Variants in CFI observed in about 807,000 individuals in gnomAD.
The protein encoded by CFI is complement factor I, also known as C3B/C4B inactivator.
Under a neutral mutation model 78.8 loss-of-function variants are expected in CFI, and 66 were observed. The ratio of observed to expected loss-of-function variants is 0.84; its 90% CI spans 0.69 to 1.03. The LOEUF (loss-of-function observed/expected upper bound fraction) is 1.03, where lower values mean the gene tolerates loss of function less well. CFI is among the 50% of genes least tolerant of loss of function. The pLI, the probability that CFI is intolerant of heterozygous loss-of-function variation, is 0.00. For synonymous variants in CFI, 250 were observed against 232.6 expected, an observed-to-expected ratio of 1.07 and a Z score of -0.68; for missense variants, 706 against 704.5, an observed-to-expected ratio of 1.00 and a Z score of -0.02.
the CFI span, among the ~76,000 whole-genome samples, chr4:109,735,346 C>T: frequency 3.9e-5 from 6 of 152,182 alleles, no homozygotes; most frequent in African/African-American, 1.4e-4. Flanking sequence ...CAAATGGTTT[C>T]TTCTATATAT....
chr4:109,749,186 G>T (rs747370555), intron 10 of CFI, 32 bp downstream of exon 10: 1 of 1,565,898 alleles, frequency 6.4e-7, no homozygotes, highest in South Asian at 1.1e-5. Context: ...ATTGTTTCGG[G>T]AAATCTAAAA....
At chr4:109,759,475 T>C (rs960328164) in intron 6 of CFI, among the ~76,000 whole-genome samples, 1 of 152,166 alleles carries the variant, frequency 6.6e-6, no homozygotes, top group Non-Finnish European at 1.5e-5. Context: ...GAATTACTAT[T>C]ATAGTGAATT....
intron 8 of CFI, among the ~76,000 whole-genome samples, chr4:109,750,798 G>C (rs577183933): frequency 3.7e-4 from 56 of 152,282 alleles, no homozygotes; most frequent in Non-Finnish European, 5.9e-4. Flanking sequence ...AGAAAGAGCC[G>C]TTGTTGTATG....
At chr4:109,775,277 G>A (rs1015628106) in intron 1 of CFI, among the ~76,000 whole-genome samples, 1 of 152,132 alleles carries the variant, frequency 6.6e-6, no homozygotes, top group African/African-American at 2.4e-5. Flanking sequence ...GATGGTACCT[G>A]GAAAATTGGG....
At chr4:109,775,052 A>G (rs529503583) in intron 1 of CFI, among the ~76,000 whole-genome samples, 1 of 152,126 alleles carries the variant, frequency 6.6e-6, no homozygotes, top group Non-Finnish European at 1.5e-5. Flanking sequence ...GGAGGTTCCA[A>G]TATGGCCAAA....
chr4:109,783,118 G>GA (rs1284285300), intron 1 of CFI, among the ~76,000 whole-genome samples: 1 of 152,044 alleles, frequency 6.6e-6, no homozygotes, highest in Non-Finnish European at 1.5e-5. Context: ...ATAGGCTTAG[G>GA]CAAGGATTTC....
chr4:109,763,867 A>T (rs1036742384), intron 3 of CFI, among the ~76,000 whole-genome samples: 1 of 151,466 alleles, frequency 6.6e-6, no homozygotes. Context: ...ATTAAAACTA[A>T]TATTATAATA....
At position 109,756,978 on chromosome 4, in the gene CFI, A is replaced by ATT. The variant is rs1561298198; in HGVS notation, c.904+784_904+785insAA. ...GAAAGAAAGAAAGAAAGAAAGAAAG[A>ATT]AATTCTGAGGAGGATCATGAACTTT... is the stretch of plus-strand genomic sequence containing the variant. On this transcript the variant is annotated intron_variant, in intron 7 of 12. Transcript: ENST00000394634. Among the ~76,000 whole-genome samples, 71 of 143,506 alleles carry ATT rather than the reference A, an allele frequency of 4.9e-4. 3 individuals are homozygous for ATT. In the South Asian group the frequency reaches 6.4e-3, roughly 13 times the overall value. The allele number at this position is 143,506 out of a possible 152,430, so 94.1% of individuals were successfully genotyped here.
In CFI at chr4:109,746,320, C is replaced by T. The variant is rs769847784; in HGVS notation, c.1331G>A (p.Cys444Tyr). ...EMKKDGNKKDCELPRSIPACV... is the reference protein window; with the variant it reads ...EMKKDGNKKDYELPRSIPACV... ...GGCAGGGATGGAACGAGGCAGCTCA[C>T]AATCTTTTTTGTTTCCGTCTTTTTT... Residue 444 changes from cysteine to tyrosine, a missense_variant, in exon 11 of 13, where the codon TGT (cysteine) becomes TAT (tyrosine). By Grantham distance (194) the Cys-to-Tyr change is radical (BLOSUM62 -2). Transcript: ENST00000394634. 1.9e-6 allele frequency: 3 copies of T among 1,614,168 alleles called. No homozygotes were observed. Among genetic ancestry groups the T allele is most frequent in the Non-Finnish European group, 1.7e-6 (2 of 1,180,014 alleles).
At chr4:109,801,074 C>T (rs550385862) in intron 1 of CFI, among the ~76,000 whole-genome samples, 1 of 152,228 alleles carries the variant, frequency 6.6e-6, no homozygotes, top group South Asian at 2.1e-4. Flanking sequence ...TTTTGGATTG[C>T]CACCAAAGTT....
intron 1 of CFI, among the ~76,000 whole-genome samples, chr4:109,786,549 G>A (rs182778264): frequency 6.6e-6 from 1 of 151,896 alleles, no homozygotes; most frequent in Non-Finnish European, 1.5e-5. Context: ...TGTTTTGCCT[G>A]TCTTTTCCAT....
In CFI at chr4:109,741,982, A is replaced by G. The variant is rs74865668; in HGVS notation, c.1534+509T>C. 837 of 162,186 alleles carry G rather than the reference A, an allele frequency of 5.2e-3. 2 individuals are homozygous for G. Among genetic ancestry groups the G allele is most frequent in the Non-Finnish European group, 8.1e-3 (596 of 73,710 alleles). The allele number at this position is 162,186 out of a possible 1,614,324, so 10.0% of individuals were successfully genotyped here. A position where few individuals can be genotyped will look rare whatever the true frequency, so the allele number is the denominator to read the frequency against. On this transcript the variant is annotated intron_variant, in intron 12 of 12. Coordinates refer to ENST00000394634, the MANE Select transcript of CFI (RefSeq NM_000204.5). ...GCGTAAGAAATGCGCTGTGATTTCC[A>G]TGGAGGGAAAAATTTACTTCCAAAT...
At chr4:109,800,920 C>T (rs1316826729) in intron 1 of CFI, among the ~76,000 whole-genome samples, 3 of 152,148 alleles carry the variant, frequency 2.0e-5, no homozygotes, top group East Asian at 3.9e-4. Flanking sequence ...TATTAATAAG[C>T]ATTTAGTTAT....
At chr4:109,752,419 A>T in intron 8 of CFI, 49 bp downstream of exon 8, 1 of 1,561,226 alleles carries the variant, frequency 6.4e-7, no homozygotes, top group Non-Finnish European at 8.8e-7. Context: ...CACTGAAATT[A>T]CAGCCTAAAC....
At chr4:109,792,585 A>C (rs1230770226) in intron 1 of CFI, among the ~76,000 whole-genome samples, 4 of 145,472 alleles carry the variant, frequency 2.7e-5, no homozygotes, top group Non-Finnish European at 4.6e-5. Flanking sequence ...AAACAAACCC[A>C]CCCCCCCCAA....
intron 2 of CFI, 80 bp downstream of exon 2, chr4:109,766,474 G>T (rs1727760636): frequency 2.0e-6 from 3 of 1,524,512 alleles, no homozygotes; most frequent in East Asian, 2.3e-5. Flanking sequence ...ATACACAAGA[G>T]AATTATTTTC....
intron 1 of CFI, among the ~76,000 whole-genome samples, chr4:109,782,925 CG>C (rs1352100168): frequency 1.3e-5 from 2 of 151,794 alleles, no homozygotes; most frequent in African/African-American, 4.8e-5. Context: ...CATAAAGTGG[CG>C]AAAGGACACC....
chr4:109,757,466 G>T (rs943788775), intron 7 of CFI, among the ~76,000 whole-genome samples: 3 of 152,144 alleles, frequency 2.0e-5, no homozygotes, highest in African/African-American at 7.2e-5. Context: ...AATTTCTTGA[G>T]GAGCTACCTT....
intron 1 of CFI, among the ~76,000 whole-genome samples, chr4:109,780,383 G>A (rs1198751361): frequency 6.6e-6 from 1 of 152,092 alleles, no homozygotes; most frequent in African/African-American, 2.4e-5. Context: ...GCAGCCAACA[G>A]ACACATGAAA....
Sources: allele counts gnomAD v4.1 joint callset (sites outside exome capture counted in the v4.1 genomes callset), GRCh38; gene constraint gnomAD v4.1.1; transcripts MANE v1.5; gene names NCBI Gene and HGNC (gene_info 2026-07-23, HGNC 2026-07-21).